The following PTPRN2 variants were observed in gnomAD, a reference collection of about 807,000 sequenced individuals.
PTPRN2 encodes the protein receptor-type tyrosine-protein phosphatase N2.
PTPRN2 carries 74 observed loss-of-function variants against 118.8 expected under a neutral mutation model. The observed-to-expected ratio is 0.62, with a 90% CI of 0.52 to 0.76. The LOEUF (loss-of-function observed/expected upper bound fraction) is 0.76. Ranked by LOEUF, PTPRN2 falls within the 30% of genes least tolerant of loss-of-function variation. The pLI is 0.00. For synonymous variants in PTPRN2, 641 were observed against 608.0 expected, an observed-to-expected ratio of 1.05 and a Z score of -0.80; for missense variants, 1,481 against 1,394.4, an observed-to-expected ratio of 1.06 and a Z score of -0.99.
At position 158,255,450 on chromosome 7, in the gene PTPRN2, C is replaced by T. The variant is rs180909667; in HGVS notation, c.278-50177G>A. Among the ~76,000 whole-genome samples the T allele has an allele frequency of 3.2e-3, 492 of 152,260 alleles. 5 individuals are homozygous for T. Among genetic ancestry groups the T allele is most frequent in the African/African-American group, 0.011 (440 of 41,536 alleles). On this transcript the variant is annotated intron_variant, in intron 3 of 22. Coordinates refer to ENST00000389418, the MANE Select transcript of PTPRN2 (RefSeq NM_002847.5). ...CGGCCACTCCACCACCAAAGATCCG[C>T]GGCCGAACCACCTTGCTGAAATTTA...
chr7:157,564,663 G>A (rs1799393855), intron 21 of PTPRN2, among the ~76,000 whole-genome samples: 1 of 152,204 alleles, frequency 6.6e-6, no homozygotes, highest in Non-Finnish European at 1.5e-5. Flanking sequence ...ATATACAAAT[G>A]GCCAATAAGC....
chr7:157,604,480 C>T (rs993425753), intron 15 of PTPRN2, among the ~76,000 whole-genome samples: 36 of 152,326 alleles, frequency 2.4e-4, no homozygotes, highest in African/African-American at 8.7e-4. Flanking sequence ...ACACCAAGGT[C>T]AGGGGTTCCT....
At chr7:157,955,816 C>G (rs1801149353) in intron 11 of PTPRN2, among the ~76,000 whole-genome samples, 1 of 152,170 alleles carries the variant, frequency 6.6e-6, no homozygotes, top group African/African-American at 2.4e-5. Flanking sequence ...ACAGTTTGCA[C>G]CCAGCTCTGG....
chr7:158,001,622 G>T (rs73169740), intron 11 of PTPRN2, among the ~76,000 whole-genome samples: 7,399 of 152,206 alleles, frequency 0.049, 242 homozygotes, highest in Admixed American at 0.082. Flanking sequence ...CGCAGGCAGT[G>T]TAGTAGATGG....
chr7:157,940,843 T>A (rs184459221), intron 11 of PTPRN2, among the ~76,000 whole-genome samples: 1 of 69,150 alleles, frequency 1.4e-5, no homozygotes, highest in Non-Finnish European at 2.3e-5. Flanking sequence ...ACACTGCAAA[T>A]CTAACACTCT....
intron 2 of PTPRN2, among the ~76,000 whole-genome samples, chr7:158,439,261 G>A (rs1476199): frequency 0.36 from 54,634 of 151,506 alleles, 10,725 homozygotes; most frequent in African/African-American, 0.52. Context: ...CACCTCCTGC[G>A]CATGCCTCAG....
chr7:157,972,845 TTCAGAGACCGCAGAAACTCCACACC>T, intron 11 of PTPRN2, among the ~76,000 whole-genome samples: 1 of 145,268 alleles, frequency 6.9e-6, no homozygotes, highest in African/African-American at 2.6e-5. Flanking sequence ...AGAACAGGGC[TTCAGAGACCGCAGAAACTCCACACC>T]ACGAGAACAG....
intron 12 of PTPRN2, among the ~76,000 whole-genome samples, chr7:157,812,877 C>T (rs1046387081): frequency 2.6e-5 from 4 of 152,080 alleles, no homozygotes; most frequent in African/African-American, 7.3e-5. Flanking sequence ...TTGTGCAAAC[C>T]GGGGTTAGGA....
chr7:157,839,219 T>C (rs1474697528), intron 12 of PTPRN2, among the ~76,000 whole-genome samples: 1 of 152,252 alleles, frequency 6.6e-6, no homozygotes, highest in East Asian at 1.9e-4. Context: ...ACTGTGTGAG[T>C]TGACTGAAGC....
intron 15 of PTPRN2, among the ~76,000 whole-genome samples, chr7:157,607,614 C>T (rs1199201483): frequency 6.6e-6 from 1 of 152,190 alleles, no homozygotes; most frequent in African/African-American, 2.4e-5. Context: ...CTGGCCTCTA[C>T]GGAGGGCAGA....
chr7:157,982,138 T>TTCC (rs1282533294), intron 11 of PTPRN2, among the ~76,000 whole-genome samples: 1 of 120,884 alleles, frequency 8.3e-6, no homozygotes, highest in Non-Finnish European at 1.8e-5. Flanking sequence ...GAGTGCAGCG[T>TTCC]CCCCCATAAA....
intron 12 of PTPRN2, among the ~76,000 whole-genome samples, chr7:157,851,639 G>A (rs1450010750): frequency 6.6e-6 from 1 of 152,220 alleles, no homozygotes; most frequent in Non-Finnish European, 1.5e-5. Flanking sequence ...CTGCTCTGCA[G>A]AGACCGCCCA....
intron 2 of PTPRN2, among the ~76,000 whole-genome samples, chr7:158,320,407 G>A (rs1262445858): frequency 6.6e-6 from 1 of 151,988 alleles, no homozygotes; most frequent in African/African-American, 2.4e-5. Flanking sequence ...AGCTGCGATG[G>A]CACCCCCATC....
At chr7:157,835,481 A>G (rs919319962) in intron 12 of PTPRN2, among the ~76,000 whole-genome samples, 27 of 152,226 alleles carry the variant, frequency 1.8e-4, no homozygotes, top group African/African-American at 6.3e-4. Flanking sequence ...AGCAAAGCAC[A>G]AAAGATGCTA....
At chr7:157,686,618 A>T (rs1469975835) in intron 12 of PTPRN2, among the ~76,000 whole-genome samples, 1 of 152,242 alleles carries the variant, frequency 6.6e-6, no homozygotes, top group African/African-American at 2.4e-5. Flanking sequence ...AATTAGAGGC[A>T]TCTTATCAGT....
At position 157,785,491 on chromosome 7, in the gene PTPRN2, C is replaced by T. The variant is rs138119869; in HGVS notation, c.1789-102554G>A. On this transcript the variant is annotated intron_variant, in intron 12 of 22. Coordinates refer to ENST00000389418, the MANE Select transcript of PTPRN2 (RefSeq NM_002847.5). This position sits in a 1 kb window ranked among gnomAD's most constrained non-coding sequence, Gnocchi z 7.3. ...ACTCCCAGACTAGAGCCAGCACTCGCGGGCAGGCCTCCCCAGGACCAGAGC... is the reference window on the plus strand; with the variant it reads ...ACTCCCAGACTAGAGCCAGCACTCGTGGGCAGGCCTCCCCAGGACCAGAGC... Among the ~76,000 whole-genome samples, 163 of 152,308 alleles carry T rather than the reference C, an allele frequency of 1.1e-3. No homozygotes were observed. The highest frequency in any genetic ancestry group is 3.5e-3 in the African/African-American group (144 of 41,576).
intron 3 of PTPRN2, among the ~76,000 whole-genome samples, chr7:158,258,079 G>C: frequency 6.6e-6 from 1 of 152,254 alleles, no homozygotes; most frequent in Non-Finnish European, 1.5e-5. Flanking sequence ...CTGGGCGGGA[G>C]CCTGACAGTT....
intron 12 of PTPRN2, among the ~76,000 whole-genome samples, chr7:157,796,804 C>T (rs577538591): frequency 3.4e-4 from 52 of 152,234 alleles, no homozygotes; most frequent in African/African-American, 1.0e-3. Context: ...TTTAAACACA[C>T]GGGTCTCAGA....
chr7:158,134,883 A>T (rs1319224830), intron 8 of PTPRN2, among the ~76,000 whole-genome samples: 1 of 152,198 alleles, frequency 6.6e-6, no homozygotes, highest in Non-Finnish European at 1.5e-5. Flanking sequence ...CAGAGGTTAA[A>T]TATCAAATTA....
Sources: gnomAD v4.1 joint callset for allele counts (sites outside exome capture counted in the v4.1 genomes callset) on GRCh38, gnomAD v4.1.1 for gene constraint, Gnocchi (gnomAD v3.1) non-coding constraint, MANE v1.5 for transcripts, NCBI Gene and HGNC (gene_info 2026-07-23, HGNC 2026-07-21) for gene names.